ENTREP1: variants seen among roughly 807,000 people sequenced by gnomAD.
ENTREP1 encodes the protein Friedreich ataxia region gene X123.
At chr9:69,329,074 G>A in the ENTREP1 span, among the ~76,000 whole-genome samples, 1 of 152,204 alleles carries the variant, frequency 6.6e-6, no homozygotes, top group African/African-American at 2.4e-5. Flanking sequence ...GTATGGATAT[G>A]CCATGTTTAT....
At chr9:69,336,314 A>G in the ENTREP1 span, 13 of 1,226,640 alleles carry the variant, frequency 1.1e-5, no homozygotes, top group South Asian at 1.2e-4. Context: ...AAAATGTGCT[A>G]TGTATGAAGT....
At chr9:69,391,899 G>A in the ENTREP1 span, 8 of 1,226,088 alleles carry the variant, frequency 6.5e-6, no homozygotes, top group Non-Finnish European at 9.2e-6. Flanking sequence ...AAAAAAAGGA[G>A]CACTCTGGAG....
At chr9:69,354,254 A>ATTTTTTTTT in the ENTREP1 span, among the ~76,000 whole-genome samples, 6 of 105,630 alleles carry the variant, frequency 5.7e-5, no homozygotes, top group Non-Finnish European at 7.1e-5. Flanking sequence ...CTATTGCAAC[A>ATTTTTTTTT]TTTTTTTTTT....
the ENTREP1 span, among the ~76,000 whole-genome samples, chr9:69,334,692 T>C: frequency 4.6e-5 from 7 of 152,206 alleles, no homozygotes; most frequent in African/African-American, 1.7e-4. Flanking sequence ...TTCCCAATTG[T>C]TTATCAAACT....
At chr9:69,383,827 C>A in the ENTREP1 span, 8 of 1,600,066 alleles carry the variant, frequency 5.0e-6, no homozygotes, top group South Asian at 7.8e-5. Context: ...CGCCCCACCC[C>A]CTGCCCCCAG....
the ENTREP1 span, among the ~76,000 whole-genome samples, chr9:69,343,481 C>T: frequency 6.6e-6 from 1 of 152,116 alleles, no homozygotes; most frequent in African/African-American, 2.4e-5. Flanking sequence ...CTCTGTCATC[C>T]AGGCTCCTGA....
the ENTREP1 span, among the ~76,000 whole-genome samples, chr9:69,388,607 C>T: frequency 6.6e-6 from 1 of 152,200 alleles, no homozygotes; most frequent in East Asian, 1.9e-4. Context: ...CAGAGGAAGC[C>T]GGGGAGCTTT....
At chr9:69,367,009 C>G in the ENTREP1 span, among the ~76,000 whole-genome samples, 3 of 151,948 alleles carry the variant, frequency 2.0e-5, no homozygotes, top group African/African-American at 4.8e-5. Flanking sequence ...CTTGATTTCC[C>G]AGGCTCAAGC....
At chr9:69,327,971 T>G in the ENTREP1 span, among the ~76,000 whole-genome samples, 1 of 152,210 alleles carries the variant, frequency 6.6e-6, no homozygotes, top group Non-Finnish European at 1.5e-5. Context: ...ACCATGACTC[T>G]CTTGGTGCTT....
the ENTREP1 span, chr9:69,385,781 TTTTTTTA>T: frequency 8.2e-5 from 111 of 1,359,656 alleles, no homozygotes; most frequent in South Asian, 2.9e-4. Context: ...TTTTTTTTTT[TTTTTTTA>T]AATCAGATGG....
At chr9:69,353,852 A>T in the ENTREP1 span, among the ~76,000 whole-genome samples, 1 of 152,166 alleles carries the variant, frequency 6.6e-6, no homozygotes, top group South Asian at 2.1e-4. Flanking sequence ...CAATTGGCTT[A>T]TATGTTATTG....
chr9:69,391,078 C>T, the ENTREP1 span, among the ~76,000 whole-genome samples: 1 of 152,158 alleles, frequency 6.6e-6, no homozygotes, highest in African/African-American at 2.4e-5. Flanking sequence ...GCCACTGCGC[C>T]TATACTTGGT....
chr9:69,385,788 A>G, the ENTREP1 span: 1 of 933,040 alleles, frequency 1.1e-6, no homozygotes, highest in Non-Finnish European at 1.3e-6. Context: ...TTTTTTTTTT[A>G]AATCAGATGG....
At chr9:69,376,299 A>T in the ENTREP1 span, among the ~76,000 whole-genome samples, 1 of 152,226 alleles carries the variant, frequency 6.6e-6, no homozygotes, top group Non-Finnish European at 1.5e-5. Flanking sequence ...TGGGCCACTG[A>T]GTACTACCAG....
chr9:69,328,460 T>G, the ENTREP1 span, among the ~76,000 whole-genome samples: 10 of 152,076 alleles, frequency 6.6e-5, no homozygotes, highest in African/African-American at 2.2e-4. Flanking sequence ...GATCCCGCAT[T>G]TTACCCTTCA....
At chr9:69,386,236 C>A in the ENTREP1 span, 1 of 253,430 alleles carries the variant, frequency 3.9e-6, no homozygotes, top group Non-Finnish European at 7.4e-6. Context: ...GACAATTATG[C>A]ACACCTAGTT....
chr9:69,325,266 CGCCGCAGCCG>C, the ENTREP1 span: 9 of 978,104 alleles, frequency 9.2e-6, no homozygotes, highest in Admixed American at 8.2e-4. Context: ...GTCCTCTGCC[CGCCGCAGCCG>C]GCCGCACCCG....
the ENTREP1 span, among the ~76,000 whole-genome samples, chr9:69,333,258 TA>T: frequency 6.6e-6 from 1 of 151,598 alleles, no homozygotes; most frequent in Non-Finnish European, 1.5e-5. Flanking sequence ...AGTTTAGGCA[TA>T]TTGCTATTTT....
At chr9:69,363,838 A>G in the ENTREP1 span, among the ~76,000 whole-genome samples, 3 of 152,132 alleles carry the variant, frequency 2.0e-5, no homozygotes, top group Non-Finnish European at 2.9e-5. Flanking sequence ...GGGTAGAGTA[A>G]AGGAAGGGTA....
Sources: allele counts gnomAD v4.1 joint callset (sites outside exome capture counted in the v4.1 genomes callset), GRCh38; gene constraint gnomAD v4.1.1; transcripts MANE v1.5; gene names NCBI Gene and HGNC (gene_info 2026-07-23, HGNC 2026-07-21).